The following HORMAD2 variants were observed in gnomAD, a reference collection of about 807,000 sequenced individuals.
HORMAD2 encodes HORMA domain containing 2.
HORMAD2 carries 45 observed loss-of-function variants against 38.8 expected under a neutral mutation model. The observed-to-expected ratio is 1.16, with a 90% CI of 0.91 to 1.49. The LOEUF (loss-of-function observed/expected upper bound fraction) is 1.49. Among genes scored for constraint, HORMAD2 ranks in the 40% most tolerant of loss-of-function variants. The pLI, the probability that HORMAD2 is intolerant of heterozygous loss-of-function variation, is 0.00. For missense variants in HORMAD2, 338 were observed against 367.0 expected (o/e 0.92, Z 0.65); for synonymous variants, 126 against 122.8 (o/e 1.03, Z -0.17).
chr22:30,156,198 A>G (rs1208579235), intron 10 of HORMAD2, among the ~76,000 whole-genome samples: 1 of 152,228 alleles, frequency 6.6e-6, no homozygotes, highest in African/African-American at 2.4e-5. Context: ...CATTGGCTTT[A>G]GGATTGAGCT....
intron 8 of HORMAD2, among the ~76,000 whole-genome samples, chr22:30,121,046 A>G (rs1399957551): frequency 6.6e-6 from 1 of 152,228 alleles, no homozygotes; most frequent in Non-Finnish European, 1.5e-5. Flanking sequence ...TTTTCCTATT[A>G]GTAATATTAT....
the HORMAD2 span, among the ~76,000 whole-genome samples, chr22:30,191,552 C>T: frequency 6.6e-6 from 1 of 151,986 alleles, no homozygotes; most frequent in Admixed American, 6.5e-5. Context: ...TAACTTTTTC[C>T]TCTCAATATG....
chr22:30,139,038 G>A (rs922952032), intron 10 of HORMAD2, among the ~76,000 whole-genome samples: 12 of 151,438 alleles, frequency 7.9e-5, no homozygotes, highest in African/African-American at 2.4e-4. Flanking sequence ...CTCCCTGAGC[G>A]GGAGGGAATG....
At chr22:30,105,819 C>G (rs184146888) in intron 5 of HORMAD2, among the ~76,000 whole-genome samples, 171 of 152,244 alleles carry the variant, frequency 1.1e-3, no homozygotes, top group African/African-American at 4.0e-3. Flanking sequence ...TCATGTGGCT[C>G]CCCATCAATA....
At chr22:30,203,226 A>G in the HORMAD2 span, among the ~76,000 whole-genome samples, 78 of 77,686 alleles carry the variant, frequency 1.0e-3, no homozygotes, top group African/African-American at 2.2e-3. Flanking sequence ...GAAACCCTGT[A>G]TCTACAAAAT....
At chr22:30,151,106 C>G (rs1260135301) in intron 10 of HORMAD2, among the ~76,000 whole-genome samples, 1 of 152,134 alleles carries the variant, frequency 6.6e-6, no homozygotes, top group Non-Finnish European at 1.5e-5. Flanking sequence ...GACTGGTCCT[C>G]GGTTTGGTCC....
chr22:30,165,507 C>A (rs1303799391), intron 10 of HORMAD2, among the ~76,000 whole-genome samples: 9 of 152,164 alleles, frequency 5.9e-5, no homozygotes, highest in African/African-American at 2.2e-4. Flanking sequence ...GTATTGACAT[C>A]TTAACCATAT....
chr22:30,123,953 C>A (rs1303830161), intron 10 of HORMAD2, among the ~76,000 whole-genome samples: 1 of 151,674 alleles, frequency 6.6e-6, no homozygotes, highest in African/African-American at 2.4e-5. Flanking sequence ...TACACCACAC[C>A]TGGTTAGATT....
At position 30,103,773 on chromosome 22, in the gene HORMAD2, C is replaced by T. The variant is rs1920992564; in HGVS notation, c.257+273C>T. On this transcript the variant is annotated intron_variant, in intron 4 of 10. Coordinates refer to ENST00000336726, the MANE Select transcript of HORMAD2 (RefSeq NM_152510.4). ...TGCCTCCCAGGTTCAAGTGATTCTC[C>T]GCCTCAGCCTCCCGGGTAGCTGGGA... is the stretch of plus-strand genomic sequence containing the variant. Among the ~76,000 whole-genome samples, 4 of 147,288 alleles carry T rather than the reference C, an allele frequency of 2.7e-5. No homozygotes were observed. In the South Asian group the frequency reaches 8.8e-4, roughly 32 times the overall value.
chr22:30,129,649 T>C (rs555521739), intron 10 of HORMAD2, among the ~76,000 whole-genome samples: 7 of 152,170 alleles, frequency 4.6e-5, no homozygotes, highest in African/African-American at 1.7e-4. Flanking sequence ...AAATTGGTAC[T>C]GTGTGGGAAA....
At chr22:30,106,225 T>G (rs1190151591) in intron 5 of HORMAD2, among the ~76,000 whole-genome samples, 1 of 152,010 alleles carries the variant, frequency 6.6e-6, no homozygotes, top group Non-Finnish European at 1.5e-5. Context: ...TGGCTAGGCT[T>G]CTCTCGAACT....
At chr22:30,204,007 A>G in the HORMAD2 span, among the ~76,000 whole-genome samples, 8 of 152,124 alleles carry the variant, frequency 5.3e-5, no homozygotes, top group Non-Finnish European at 1.0e-4. Context: ...GCATCCTCAC[A>G]TACATCCTCA....
chr22:30,189,396 G>C, the HORMAD2 span, among the ~76,000 whole-genome samples: 3 of 152,126 alleles, frequency 2.0e-5, no homozygotes, highest in African/African-American at 7.2e-5. Context: ...GAAGGCTTTA[G>C]TAGGTAGTAA....
intron 10 of HORMAD2, among the ~76,000 whole-genome samples, chr22:30,161,722 T>A (rs1318159972): frequency 6.6e-6 from 1 of 152,100 alleles, no homozygotes; most frequent in African/African-American, 2.4e-5. Context: ...ATTATTTTTT[T>A]AAATGTTCTT....
At chr22:30,080,327 C>G (rs1044120624), upstream of HORMAD2, 1 of 152,260 alleles carries the variant, frequency 6.6e-6, no homozygotes, top group Non-Finnish European at 1.5e-5. Flanking sequence ...TGAAGTCTAG[C>G]GAGGCCGGTC....
Position 30,119,061 on chromosome 22 carries a change from G to A in HORMAD2, c.410+14G>A, listed in dbSNP as rs1413744652. On this transcript the variant is annotated intron_variant, in intron 8 of 10. Coordinates refer to ENST00000336726, the MANE Select transcript of HORMAD2 (RefSeq NM_152510.4). ...GGATTTTGACAGGTAGAATCTAACT[G>A]CTTAATGAACATGAGAAATAAATAG... 6 of 1,533,194 alleles carry A rather than the reference G, an allele frequency of 3.9e-6. No homozygotes were observed. Among genetic ancestry groups the A allele is most frequent in the Non-Finnish European group, 5.3e-6 (6 of 1,126,302 alleles). The allele number at this position is 1,533,194 out of a possible 1,614,324, so 95.0% of individuals were successfully genotyped here. A position where few individuals can be genotyped will look rare whatever the true frequency, so the allele number is the denominator to read the frequency against.
At chr22:30,149,164 G>A (rs920890402) in intron 10 of HORMAD2, among the ~76,000 whole-genome samples, 3 of 152,108 alleles carry the variant, frequency 2.0e-5, no homozygotes, top group African/African-American at 7.2e-5. Flanking sequence ...GTTGTCATAA[G>A]CCATGATTGC....
In HORMAD2 at chr22:30,177,012, G is replaced by A. The variant is rs1926496441; in HGVS notation, c.*845G>A. The stretch of plus-strand genomic sequence containing the variant: ...GAGGTTTAGTAATTTAATTTAAATG[G>A]ATAGGACCAATAAGTTAAATATTAA... On this transcript the variant is annotated 3_prime_UTR_variant, in exon 11 of 11. Coordinates refer to ENST00000336726, the MANE Select transcript of HORMAD2 (RefSeq NM_152510.4). 1 of 152,486 alleles carries A rather than the reference G, an allele frequency of 6.6e-6. No homozygotes were observed. Among genetic ancestry groups the A allele is most frequent in the African/African-American group, 2.4e-5 (1 of 41,356 alleles). 9.4% of individuals were successfully genotyped at this position (152,486 alleles called of 1,614,324 possible).
chr22:30,131,085 A>G (rs749196613), intron 10 of HORMAD2, among the ~76,000 whole-genome samples: 20 of 152,212 alleles, frequency 1.3e-4, no homozygotes, highest in Non-Finnish European at 2.9e-4. Context: ...GGTTTCTTCA[A>G]AGAACTGACC....
Sources: allele counts gnomAD v4.1 joint callset (sites outside exome capture counted in the v4.1 genomes callset), GRCh38; gene constraint gnomAD v4.1.1; transcripts MANE v1.5; gene names NCBI Gene and HGNC (gene_info 2026-07-23, HGNC 2026-07-21).